IFT74: variants seen among roughly 807,000 people sequenced by gnomAD.
The protein encoded by IFT74 is intraflagellar transport 74, also known as intraflagellar transport protein 74 homolog.
A neutral mutation model predicts 96.7 loss-of-function variants in IFT74; 92 were observed. The observed-to-expected ratio is 0.95, with a 90% CI of 0.80 to 1.13. The LOEUF is 1.13. Ranked by LOEUF, IFT74 falls within the 50% of genes most tolerant of loss-of-function variation. IFT74 has a pLI of 0.00. For missense variants in IFT74, 811 were observed against 698.2 expected, an observed-to-expected ratio of 1.16 and a Z score of -1.82; for synonymous variants, 223 against 213.2, an observed-to-expected ratio of 1.05 and a Z score of -0.40.
At chr9:26,977,598 C>T (rs1033524925) in intron 2 of IFT74, among the ~76,000 whole-genome samples, 5 of 152,320 alleles carry the variant, frequency 3.3e-5, no homozygotes, top group East Asian at 3.9e-4. Flanking sequence ...AAGCGACTCT[C>T]ATGGCTTAGC....
intron 6 of IFT74, among the ~76,000 whole-genome samples, chr9:26,987,938 GT>G (rs1369036555): frequency 6.6e-6 from 1 of 151,724 alleles, no homozygotes; most frequent in Non-Finnish European, 1.5e-5. Context: ...GTGTAAATTT[GT>G]TTTTTGTTGT....
At chr9:27,001,666 G>C (rs760186173) in intron 8 of IFT74, among the ~76,000 whole-genome samples, 2 of 151,804 alleles carry the variant, frequency 1.3e-5, no homozygotes, top group African/African-American at 2.4e-5. Context: ...GTTTTTTATC[G>C]GTTTGTTTTT....
rs781513328 is a variant in IFT74 at position 26,996,338 on chromosome 9, A to T, written c.587+6143A>T. On this transcript the variant is annotated intron_variant, in intron 8 of 19. Coordinates refer to ENST00000380062, the MANE Select transcript of IFT74 (RefSeq NM_025103.4). ...GAATTTCTTGTTAAGTTGTTCGAAG[A>T]GCTATTAAATATTGAATTGCTGATG... 6 of 1,601,000 alleles carry T rather than the reference A, an allele frequency of 3.7e-6. No individual in the cohort carries two copies. The East Asian group carries it at 1.1e-4, about 30-fold the overall frequency.
Position 26,951,380 on chromosome 9 carries a change from TG to T in IFT74, c.-20+4235del, listed in dbSNP as rs1587215841. ...TGTGAAAGTGATGGTGACAGAATAT[TG>T]TTTAGCATTTTTTTTTTAACTAAAA... On this transcript the variant is annotated intron_variant, in intron 1 of 19. Coordinates refer to the IFT74 transcript ENST00000433700. 2.6e-5 allele frequency among the ~76,000 whole-genome samples: 4 copies of T among 152,294 alleles called. No homozygotes were observed. The East Asian group carries it at 7.7e-4, about 29-fold the overall frequency.
intron 16 of IFT74, among the ~76,000 whole-genome samples, chr9:27,053,516 A>G (rs1238022717): frequency 1.3e-5 from 2 of 152,190 alleles, no homozygotes; most frequent in East Asian, 3.9e-4. Context: ...TCCCCGGGTC[A>G]AAGTGGTTCC....
At chr9:27,008,550 G>T (rs1281690392) in intron 8 of IFT74, among the ~76,000 whole-genome samples, 4 of 151,982 alleles carry the variant, frequency 2.6e-5, no homozygotes, top group Non-Finnish European at 5.9e-5. Context: ...GTAGAGATGG[G>T]TGTTTTGTCG....
Position 27,011,988 on chromosome 9 carries a change from A to AG in IFT74, c.789+23dup. On this transcript the variant is annotated intron_variant, in intron 10 of 19. Transcript: ENST00000380062. ...GAAGCAGTAAGTATAAAATCAAATA[A>AG]GGGTTCTCATACTACTCAGCTAAAA... The AG allele has an allele frequency of 6.6e-7, 1 of 1,522,918 alleles. No homozygotes were observed. 94.3% of individuals were successfully genotyped at this position (1,522,918 alleles called of 1,614,324 possible).
At chr9:26,949,977 C>A (rs1825879633) in intron 1 of IFT74, among the ~76,000 whole-genome samples, 1 of 151,960 alleles carries the variant, frequency 6.6e-6, no homozygotes, top group South Asian at 2.1e-4. Context: ...AATCTTGTGA[C>A]CTCTGGTTAC....
chr9:27,049,420 G>C (rs1252074517), intron 16 of IFT74, among the ~76,000 whole-genome samples: 1 of 152,206 alleles, frequency 6.6e-6, no homozygotes, highest in African/African-American at 2.4e-5. Context: ...GGCACTTTAA[G>C]TGGGGATAGG....
rs551801376 is a variant in IFT74 at position 26,984,277 on chromosome 9, C to A, written c.326C>A (p.Thr109Lys). The A allele has an allele frequency of 9.1e-5, 143 of 1,565,476 alleles. No individual in the cohort carries two copies. The highest frequency in any genetic ancestry group is 5.1e-4 in the Admixed American group (26 of 51,128). Residue 109 changes from threonine to lysine, a missense_variant, in exon 5 of 20, where the codon ACA becomes AAA. Transcript: ENST00000380062. ...AATAGAAGTAAAATAAGTGAACTTA[C>A]AACTGAAGTTAATAAACTTCAGAAG... The part of the protein sequence containing the change: ...GLLRSKISEL[T>K]TEVNKLQKGI...
intron 13 of IFT74, chr9:27,036,489 C>G: frequency 1.2e-6 from 2 of 1,613,680 alleles, no homozygotes; most frequent in Non-Finnish European, 8.5e-7. Context: ...GAAAAAAATA[C>G]AGGAAGTTTC....
chr9:27,024,764 T>A (rs1829776108), intron 12 of IFT74, among the ~76,000 whole-genome samples: 1 of 151,544 alleles, frequency 6.6e-6, no homozygotes, highest in African/African-American at 2.4e-5. Context: ...AAATTTAAAA[T>A]ACAGGATATG....
intron 18 of IFT74, among the ~76,000 whole-genome samples, chr9:27,058,888 A>G (rs1343946202): frequency 6.6e-6 from 1 of 152,230 alleles, no homozygotes; most frequent in Admixed American, 6.5e-5. Context: ...CTAGATATAG[A>G]CTTATAATTG....
chr9:26,968,767 T>G (rs1352914242), intron 2 of IFT74, among the ~76,000 whole-genome samples: 1 of 152,080 alleles, frequency 6.6e-6, no homozygotes, highest in African/African-American at 2.4e-5. Context: ...ATCTTCTTTT[T>G]TTCATTTCTG....
chr9:27,014,222 T>C (rs1829241872), intron 10 of IFT74, among the ~76,000 whole-genome samples: 1 of 150,814 alleles, frequency 6.6e-6, no homozygotes, highest in African/African-American at 2.4e-5. Context: ...CTAAAAAAAG[T>C]AAAAAAAAAG....
At chr9:26,963,518 C>T (rs1826463262) in intron 2 of IFT74, among the ~76,000 whole-genome samples, 2 of 150,464 alleles carry the variant, frequency 1.3e-5, no homozygotes. Context: ...GTTCTAGATC[C>T]CTGAGGAATC....
chr9:26,984,113 C>T, intron 4 of IFT74, 144 bp from the exon 5 acceptor site: 1 of 619,690 alleles, frequency 1.6e-6, no homozygotes, highest in Non-Finnish European at 2.5e-6. Flanking sequence ...ATGAAATAAG[C>T]CACCTAAACT....
intron 13 of IFT74, among the ~76,000 whole-genome samples, chr9:27,029,783 T>C (rs1287052169): frequency 6.6e-6 from 1 of 152,100 alleles, no homozygotes; most frequent in Non-Finnish European, 1.5e-5. Flanking sequence ...AATAATAATA[T>C]AGTCAACTAC....
intron 13 of IFT74, among the ~76,000 whole-genome samples, chr9:27,040,108 C>CA (rs2131671385): frequency 6.6e-6 from 1 of 152,080 alleles, no homozygotes; most frequent in South Asian, 2.1e-4. Flanking sequence ...GATTGCATAA[C>CA]AAAAAATGGT....
Sources: allele counts gnomAD v4.1 joint callset (sites outside exome capture counted in the v4.1 genomes callset), GRCh38; gene constraint gnomAD v4.1.1; transcripts MANE v1.5; gene names NCBI Gene and HGNC (gene_info 2026-07-23, HGNC 2026-07-21).